The following ATP9A variants were observed in gnomAD, a reference collection of about 807,000 sequenced individuals.
ATP9A encodes the protein ATPase phospholipid transporting 9A.
A neutral mutation model predicts 144.1 loss-of-function variants in ATP9A; 52 were observed. The ratio of observed to expected loss-of-function variants is 0.36; its 90% CI spans 0.29 to 0.45. The LOEUF is 0.45. Ranked by LOEUF, ATP9A falls within the 20% of genes least tolerant of loss-of-function variation. The pLI is 1.00. For synonymous variants in ATP9A, 582 were observed against 557.4 expected, an observed-to-expected ratio of 1.04 and a Z score of -0.62; for missense variants, 947 against 1,392.7, an observed-to-expected ratio of 0.68 and a Z score of 5.09.
intron 4 of ATP9A, among the ~76,000 whole-genome samples, chr20:51,700,593 G>A (rs371898820): frequency 5.9e-5 from 9 of 152,236 alleles, no homozygotes; most frequent in African/African-American, 1.9e-4. Context: ...CACTTTGGGA[G>A]GCCGAGGCGG....
chr20:51,712,580 CAA>C (rs1326944116), intron 4 of ATP9A, among the ~76,000 whole-genome samples: 2 of 152,186 alleles, frequency 1.3e-5, no homozygotes, highest in African/African-American at 2.4e-5. Context: ...TAATCACTGC[CAA>C]AAGAGTATCT....
rs1173540252 is a variant in ATP9A at position 51,638,121 on chromosome 20, A to ATC, written c.1668+1221_1668+1222insGA. On this transcript the variant is annotated intron_variant, in intron 15 of 27. Transcript: ENST00000338821. ...TATATATATATATATATATATATATATATCTCATAGTTCCTTTATCCACTT... is the reference window on the plus strand; with the variant it reads ...TATATATATATATATATATATATATATCTATCTCATAGTTCCTTTATCCACTT... 1.4e-3 allele frequency among the ~76,000 whole-genome samples: 142 copies of ATC among 103,020 alleles called. 1 individual carries two copies. Among genetic ancestry groups the ATC allele is most frequent in the African/African-American group, 3.9e-3 (94 of 24,350 alleles). 67.6% of individuals were successfully genotyped at this position (103,020 alleles called of 152,430 possible).
chr20:51,660,702 T>C (rs2077407139), intron 13 of ATP9A, among the ~76,000 whole-genome samples: 1 of 152,252 alleles, frequency 6.6e-6, no homozygotes, highest in South Asian at 2.1e-4. Context: ...CTTAAGGCAC[T>C]GAAACTGACC....
intron 23 of ATP9A, among the ~76,000 whole-genome samples, chr20:51,612,081 C>A (rs546418612): frequency 6.6e-6 from 1 of 152,312 alleles, no homozygotes; most frequent in South Asian, 2.1e-4. Context: ...GGTAAGGATG[C>A]CTTAGCACTG....
At chr20:51,630,679 C>A (rs982072550) in intron 15 of ATP9A, among the ~76,000 whole-genome samples, 1 of 151,914 alleles carries the variant, frequency 6.6e-6, no homozygotes, top group Non-Finnish European at 1.5e-5. Flanking sequence ...CCAACCTGGG[C>A]AACAAGAGCG....
chr20:51,705,889 G>C (rs1408132708), intron 4 of ATP9A, among the ~76,000 whole-genome samples: 1 of 152,120 alleles, frequency 6.6e-6, no homozygotes, highest in African/African-American at 2.4e-5. Flanking sequence ...TCTCCTTTCT[G>C]GCTTTATTTC....
At chr20:51,736,914 GT>G (rs1397652558) in intron 1 of ATP9A, among the ~76,000 whole-genome samples, 1 of 152,124 alleles carries the variant, frequency 6.6e-6, no homozygotes, top group African/African-American at 2.4e-5. Flanking sequence ...CTCTCGATAT[GT>G]TATAGATGTA....
chr20:51,659,508 G>A (rs1179258594), intron 13 of ATP9A, among the ~76,000 whole-genome samples: 1 of 152,100 alleles, frequency 6.6e-6, no homozygotes, highest in Non-Finnish European at 1.5e-5. Flanking sequence ...ATCGACATCA[G>A]TTTCAGATTT....
rs375580397 is a variant in ATP9A at position 51,738,954 on chromosome 20, T to A, written c.69-8976A>T. Among the ~76,000 whole-genome samples, 20 of 151,544 alleles carry A rather than the reference T, an allele frequency of 1.3e-4. 3 individuals carry two copies. Among genetic ancestry groups the A allele is most frequent in the East Asian group, 2.0e-4 (1 of 5,036 alleles). On this transcript the variant is annotated intron_variant, in intron 1 of 27. Coordinates refer to ENST00000338821, the MANE Select transcript of ATP9A (RefSeq NM_006045.3). ...AAAATTAACCAGGCGTGGTGGCAGG[T>A]GCCTGTAGGCCTGAGTCCCACCTAT...
chr20:51,636,992 G>A (rs554389099), intron 15 of ATP9A, among the ~76,000 whole-genome samples: 7 of 152,218 alleles, frequency 4.6e-5, no homozygotes, highest in Non-Finnish European at 8.8e-5. Flanking sequence ...TCGGGAGGCC[G>A]AGGCAAGAGA....
rs1480743401 is a variant in ATP9A, at chr20:51,599,874, G to T, written c.*1337C>A. 1 of 152,190 alleles carries T rather than the reference G, an allele frequency of 6.6e-6. No homozygotes were observed. The highest frequency in any genetic ancestry group is 1.5e-5 in the Non-Finnish European group (1 of 68,046). 9.4% of individuals were successfully genotyped at this position (152,190 alleles called of 1,614,324 possible). A position where few individuals can be genotyped will look rare whatever the true frequency, so the allele number is the denominator to read the frequency against. On this transcript the variant is annotated 3_prime_UTR_variant, in exon 28 of 28. Transcript: ENST00000338821. Reference sequence around the variant, plus strand: ...AAAGATCCACCAACTTAACCCTTATGGCATGCATATGTGGCTTCTGCAAGA... The same window carrying T: ...AAAGATCCACCAACTTAACCCTTATTGCATGCATATGTGGCTTCTGCAAGA...
intron 3 of ATP9A, among the ~76,000 whole-genome samples, chr20:51,718,569 G>C (rs2077672917): frequency 6.6e-6 from 1 of 151,890 alleles, no homozygotes; most frequent in Non-Finnish European, 1.5e-5. Flanking sequence ...TGTAATCCCA[G>C]CACTTTGGGA....
chr20:51,671,016 A>G (rs2077453406), intron 12 of ATP9A, 99 bp downstream of exon 12: 1 of 1,313,824 alleles, frequency 7.6e-7, no homozygotes, highest in South Asian at 1.3e-5. Flanking sequence ...AGCAACACGC[A>G]TCTCTCATAT....
chr20:51,653,583 T>C (rs1403542256), intron 14 of ATP9A, among the ~76,000 whole-genome samples: 2 of 152,084 alleles, frequency 1.3e-5, no homozygotes, highest in African/African-American at 2.4e-5. Flanking sequence ...CTCAGGAGTT[T>C]GAGACCAGCC....
intron 22 of ATP9A, among the ~76,000 whole-genome samples, chr20:51,615,439 T>G (rs968775779): frequency 6.6e-6 from 1 of 151,796 alleles, no homozygotes; most frequent in Non-Finnish European, 1.5e-5. Flanking sequence ...CACAACAAAA[T>G]GTACAGTGTG....
At chr20:51,617,112 T>G (rs1373487953) in intron 22 of ATP9A, among the ~76,000 whole-genome samples, 2 of 152,022 alleles carry the variant, frequency 1.3e-5, no homozygotes, top group African/African-American at 4.8e-5. Flanking sequence ...CAGCTAATTT[T>G]TGTATTTTCA....
intron 4 of ATP9A, among the ~76,000 whole-genome samples, chr20:51,712,361 A>C (rs2077643421): frequency 6.6e-6 from 1 of 152,192 alleles, no homozygotes; most frequent in Non-Finnish European, 1.5e-5. Context: ...GGCGTGAGCC[A>C]CTGTACTGGG....
chr20:51,597,744 G>C lies in ATP9A; in HGVS notation c.*3467C>G, dbSNP rs562870128. The stretch of plus-strand genomic sequence containing the variant: ...AAGTATAAAAAGAAAAGTCTGGCGG[G>C]GGGTGGGGGAGGCATTAGCATATCA... On this transcript the variant is annotated 3_prime_UTR_variant, in exon 28 of 28. Coordinates refer to ENST00000338821, the MANE Select transcript of ATP9A (RefSeq NM_006045.3). The C allele has an allele frequency of 6.6e-6, 1 of 152,042 alleles. No individual in the cohort carries two copies. Among genetic ancestry groups the C allele is most frequent in the Admixed American group, 6.5e-5 (1 of 15,268 alleles). The allele number at this position is 152,042 out of a possible 1,614,324, so 9.4% of individuals were successfully genotyped here.
At chr20:51,719,702 C>A (rs1462182987) in intron 3 of ATP9A, among the ~76,000 whole-genome samples, 2 of 139,598 alleles carry the variant, frequency 1.4e-5, no homozygotes, top group East Asian at 4.5e-4. Context: ...CACTGCACTC[C>A]AGCCTGGCAA....
Sources: allele counts gnomAD v4.1 joint callset (sites outside exome capture counted in the v4.1 genomes callset), GRCh38; gene constraint gnomAD v4.1.1; transcripts MANE v1.5; gene names NCBI Gene and HGNC (gene_info 2026-07-23, HGNC 2026-07-21).